The following COL24A1 variants were observed in gnomAD, a reference collection of about 807,000 sequenced individuals.
COL24A1 encodes collagen type XXIV alpha 1 chain.
COL24A1 carries 224 observed loss-of-function variants against 253.9 expected under a neutral mutation model. That is an observed-to-expected ratio of 0.88 (90% confidence interval 0.79 to 0.99). The LOEUF (loss-of-function observed/expected upper bound fraction) is 0.99, where lower values mean the gene tolerates loss of function less well. Ranked by LOEUF, COL24A1 falls within the 50% of genes least tolerant of loss-of-function variation. COL24A1 has a pLI of 0.00. For missense variants in COL24A1, 2,131 were observed against 2,068.5 expected, an observed-to-expected ratio of 1.03 and a Z score of -0.59; for synonymous variants, 685 against 673.7, an observed-to-expected ratio of 1.02 and a Z score of -0.26.
rs576663837 is a variant in COL24A1 at position 85,843,364 on chromosome 1, A to T, written c.3463-971T>A. Among the ~76,000 whole-genome samples, 8 of 152,342 alleles carry T rather than the reference A, an allele frequency of 5.3e-5. No homozygotes were observed. The South Asian group carries it at 8.3e-4, about 16-fold the overall frequency. The stretch of plus-strand genomic sequence containing the variant: ...GGAATTGCACAAAATTAATTTTAAA[A>T]CATCAATAAGAATTCAGCCATTACC... On this transcript the variant is annotated intron_variant, in intron 39 of 59. Coordinates refer to ENST00000370571, the MANE Select transcript of COL24A1 (RefSeq NM_152890.7).
intron 58 of COL24A1, among the ~76,000 whole-genome samples, chr1:85,736,982 T>A (rs1330816601): frequency 6.6e-6 from 1 of 152,176 alleles, no homozygotes; most frequent in African/African-American, 2.4e-5. Context: ...CCAATAACCA[T>A]AAATAGCAAG....
intron 31 of COL24A1, among the ~76,000 whole-genome samples, chr1:85,892,933 T>G (rs905537636): frequency 3.3e-5 from 5 of 152,006 alleles, no homozygotes; most frequent in Middle Eastern, 3.4e-3. Flanking sequence ...CAGAAGACAT[T>G]GAACAATAAC....
At position 85,841,221 on chromosome 1, in the gene COL24A1, C is replaced by T; in HGVS notation, c.3627+1G>A. On this transcript the variant is annotated splice_donor_variant, in intron 42 of 59. Coordinates refer to ENST00000370571, the MANE Select transcript of COL24A1 (RefSeq NM_152890.7). LOFTEE classifies it high-confidence loss of function. ...CAGAATTATTTCAGAAAAAGACCTA[C>T]TGGTTCACCTCGAGGCCCAGGTGGT... 6.3e-7 allele frequency: 1 copy of T among 1,597,736 alleles called. No individual in the cohort carries two copies. The highest frequency in any genetic ancestry group is 8.5e-7 in the Non-Finnish European group (1 of 1,172,428).
intron 18 of COL24A1, among the ~76,000 whole-genome samples, chr1:86,020,464 G>A (rs1697424204): frequency 6.6e-6 from 1 of 152,032 alleles, no homozygotes; most frequent in Non-Finnish European, 1.5e-5. Context: ...CCAGAATCCA[G>A]GTCTTTGTCT....
chr1:85,882,239 A>G (rs1396909156), intron 32 of COL24A1, among the ~76,000 whole-genome samples: 2 of 152,088 alleles, frequency 1.3e-5, no homozygotes, highest in Non-Finnish European at 2.9e-5. Context: ...GCACTTTGGG[A>G]GGCTGAGGCG....
intron 57 of COL24A1, among the ~76,000 whole-genome samples, chr1:85,741,067 C>T (rs1445207423): frequency 6.1e-5 from 9 of 147,372 alleles, no homozygotes; most frequent in Non-Finnish European, 1.0e-4. Flanking sequence ...TGCAGTGAGC[C>T]GAGATCGAGC....
chr1:85,943,675 T>A (rs1342366273), intron 24 of COL24A1, among the ~76,000 whole-genome samples: 1 of 152,234 alleles, frequency 6.6e-6, no homozygotes, highest in Non-Finnish European at 1.5e-5. Context: ...AGACAACATA[T>A]GTTTATAAAA....
At chr1:85,909,273 T>C (rs982183751) in intron 26 of COL24A1, among the ~76,000 whole-genome samples, 2 of 151,812 alleles carry the variant, frequency 1.3e-5, no homozygotes, top group Admixed American at 6.6e-5. Context: ...AGGACTTTTC[T>C]GATAATATAG....
At chr1:86,080,340 T>C (rs2101900279) in intron 7 of COL24A1, among the ~76,000 whole-genome samples, 1 of 152,086 alleles carries the variant, frequency 6.6e-6, no homozygotes, top group Middle Eastern at 3.4e-3. Flanking sequence ...AAAGAATAGT[T>C]ACAAAGAATG....
chr1:85,963,316 G>C (rs1691244354), intron 23 of COL24A1, among the ~76,000 whole-genome samples: 1 of 152,072 alleles, frequency 6.6e-6, no homozygotes, highest in Non-Finnish European at 1.5e-5. Flanking sequence ...CAGCATTTAT[G>C]GAAAATTTAT....
At chr1:86,068,744 G>A (rs945677152) in intron 7 of COL24A1, among the ~76,000 whole-genome samples, 2 of 152,128 alleles carry the variant, frequency 1.3e-5, no homozygotes, top group African/African-American at 4.8e-5. Context: ...GAAGAGTGAA[G>A]AGTAAAGAGG....
intron 28 of COL24A1, among the ~76,000 whole-genome samples, chr1:85,902,231 G>A (rs974228027): frequency 4.6e-5 from 7 of 152,158 alleles, no homozygotes; most frequent in Admixed American, 3.9e-4. Context: ...CATGCAGCAA[G>A]CAATAAAGAT....
chr1:85,954,850 T>A lies in COL24A1; in HGVS notation c.2562+6399A>T, dbSNP rs983989927. Among the ~76,000 whole-genome samples the A allele has an allele frequency of 2.6e-5, 4 of 152,216 alleles. No homozygotes were observed. The East Asian group carries it at 7.7e-4, about 29-fold the overall frequency. ...GCACTGAAACTGCAAAGGCCCTAGC[T>A]AGGCATAGTTGTAGAGTTATACTAC... On this transcript the variant is annotated intron_variant, in intron 24 of 59. Transcript: ENST00000370571.
At chr1:85,785,189 T>C (rs768525178) in intron 48 of COL24A1, among the ~76,000 whole-genome samples, 8 of 152,218 alleles carry the variant, frequency 5.3e-5, no homozygotes, top group Non-Finnish European at 1.2e-4. Flanking sequence ...AAATTTCCAT[T>C]ATCTGTCTCC....
At chr1:86,133,938 T>C (rs1649757834) in intron 2 of COL24A1, among the ~76,000 whole-genome samples, 1 of 151,972 alleles carries the variant, frequency 6.6e-6, no homozygotes, top group African/African-American at 2.4e-5. Flanking sequence ...AGCTCCTCCT[T>C]GTACCTCTGG....
intron 3 of COL24A1, among the ~76,000 whole-genome samples, chr1:86,122,844 C>T (rs549717001): frequency 1.3e-5 from 2 of 151,950 alleles, no homozygotes; most frequent in African/African-American, 4.8e-5. Context: ...GTTACCAGAC[C>T]GATTTTCCAA....
intron 51 of COL24A1, 51 bp downstream of exon 51, chr1:85,783,445 C>A (rs762845018): frequency 1.1e-5 from 16 of 1,475,776 alleles, no homozygotes; most frequent in African/African-American, 1.4e-5. Context: ...TTAAGCCCTG[C>A]AGTAAGCAAA....
intron 53 of COL24A1, among the ~76,000 whole-genome samples, chr1:85,765,287 C>A (rs1570510727): frequency 1.3e-5 from 2 of 151,460 alleles, no homozygotes; most frequent in African/African-American, 4.8e-5. Context: ...TTTATGATTT[C>A]ATTAAATAGT....
chr1:85,761,313 T>C, intron 55 of COL24A1, 83 bp downstream of exon 55: 1 of 1,480,410 alleles, frequency 6.8e-7, no homozygotes, highest in South Asian at 1.2e-5. Context: ...TACCTTTTAA[T>C]AGAGAGTTAA....
Sources: allele counts gnomAD v4.1 joint callset (sites outside exome capture counted in the v4.1 genomes callset), GRCh38; gene constraint gnomAD v4.1.1; transcripts MANE v1.5; gene names NCBI Gene and HGNC (gene_info 2026-07-23, HGNC 2026-07-21).